SCHIP1: variants seen among roughly 807,000 people sequenced by gnomAD.
The protein encoded by SCHIP1 is schwannomin-interacting protein 1.
In SCHIP1, 8 loss-of-function variants were observed where a neutral mutation model predicts 29.7. The observed-to-expected ratio is 0.27, with a 90% CI of 0.16 to 0.49. The LOEUF is 0.49. SCHIP1 is among the 20% of genes least tolerant of loss of function. The pLI is 0.99. For synonymous variants in SCHIP1, 76 were observed against 94.9 expected (o/e 0.80, Z 1.16); for missense variants, 193 against 294.6 (o/e 0.66, Z 2.52).
At chr3:159,717,686 G>A in the SCHIP1 span, among the ~76,000 whole-genome samples, 7 of 152,158 alleles carry the variant, frequency 4.6e-5, no homozygotes, top group African/African-American at 1.7e-4. Flanking sequence ...ATAGGAAGAA[G>A]TTGAATCCCT....
chr3:159,572,347 C>T, the SCHIP1 span, among the ~76,000 whole-genome samples: 2 of 152,108 alleles, frequency 1.3e-5, no homozygotes, highest in Admixed American at 1.3e-4. Flanking sequence ...TTTCAAAGAA[C>T]ATCTTTATTT....
the SCHIP1 span, among the ~76,000 whole-genome samples, chr3:159,460,148 T>C: frequency 6.6e-6 from 1 of 152,182 alleles, no homozygotes; most frequent in Non-Finnish European, 1.5e-5. Flanking sequence ...CACTATATTA[T>C]CCAAGTGCAG....
At chr3:159,350,822 C>T in the SCHIP1 span, among the ~76,000 whole-genome samples, 1 of 152,048 alleles carries the variant, frequency 6.6e-6, no homozygotes, top group African/African-American at 2.4e-5. Flanking sequence ...CTATTATTAA[C>T]TATAGCCCTC....
At chr3:159,619,814 C>T in the SCHIP1 span, among the ~76,000 whole-genome samples, 1 of 152,128 alleles carries the variant, frequency 6.6e-6, no homozygotes, top group African/African-American at 2.4e-5. Context: ...AATGGCAGTG[C>T]TTCGTGTAAC....
chr3:159,759,968 G>A, the SCHIP1 span, among the ~76,000 whole-genome samples: 1 of 150,296 alleles, frequency 6.7e-6, no homozygotes, highest in Non-Finnish European at 1.5e-5. Context: ...GACCCCTGAG[G>A]AACATGATCT....
the SCHIP1 span, chr3:159,309,206 G>A: frequency 4.7e-5 from 11 of 233,078 alleles, no homozygotes; most frequent in East Asian, 1.1e-3. Flanking sequence ...ATTTAAATGG[G>A]AAAAAATTGT....
the SCHIP1 span, among the ~76,000 whole-genome samples, chr3:159,308,760 C>A: frequency 6.6e-6 from 1 of 152,154 alleles, no homozygotes; most frequent in Non-Finnish European, 1.5e-5. Flanking sequence ...ATGGAATCAA[C>A]CCAGGTATGC....
chr3:159,736,935 C>T, the SCHIP1 span, among the ~76,000 whole-genome samples: 5 of 152,082 alleles, frequency 3.3e-5, no homozygotes, highest in African/African-American at 4.8e-5. Context: ...GGGGTTTCAC[C>T]ATGTTAGCCA....
At chr3:159,499,046 A>C in the SCHIP1 span, among the ~76,000 whole-genome samples, 4 of 152,098 alleles carry the variant, frequency 2.6e-5, no homozygotes, top group Non-Finnish European at 5.9e-5. Flanking sequence ...CTGCTTTTCT[A>C]ACCCAGGCCT....
the SCHIP1 span, among the ~76,000 whole-genome samples, chr3:159,339,776 A>G: frequency 1.3e-5 from 2 of 152,152 alleles, no homozygotes; most frequent in African/African-American, 2.4e-5. Flanking sequence ...CTCTAGAAGT[A>G]ATCTGCCTGA....
chr3:159,569,426 T>A, the SCHIP1 span, among the ~76,000 whole-genome samples: 2 of 152,224 alleles, frequency 1.3e-5, no homozygotes, highest in African/African-American at 4.8e-5. Flanking sequence ...TGTTTGGTTT[T>A]CTGTCCTTGT....
the SCHIP1 span, among the ~76,000 whole-genome samples, chr3:159,437,345 C>T: frequency 3.3e-5 from 5 of 152,132 alleles, no homozygotes; most frequent in Non-Finnish European, 7.4e-5. Context: ...CTGCGATCAT[C>T]CTCTAATAGG....
chr3:159,529,384 T>A, the SCHIP1 span, among the ~76,000 whole-genome samples: 1 of 152,204 alleles, frequency 6.6e-6, no homozygotes, highest in Non-Finnish European at 1.5e-5. Flanking sequence ...AAAAGCCAAG[T>A]TGCAAGTCAG....
chr3:159,566,002 T>C, the SCHIP1 span, among the ~76,000 whole-genome samples: 3 of 152,236 alleles, frequency 2.0e-5, no homozygotes, highest in Admixed American at 6.5e-5. Context: ...GAAGTAATTC[T>C]TATTTATGAA....
chr3:159,274,939 C>T, the SCHIP1 span: 2 of 975,518 alleles, frequency 2.1e-6, no homozygotes, highest in African/African-American at 3.5e-5. Flanking sequence ...TCAGCTTGAC[C>T]TCCAATTCAA....
At chr3:159,584,713 A>G in the SCHIP1 span, among the ~76,000 whole-genome samples, 3 of 152,140 alleles carry the variant, frequency 2.0e-5, no homozygotes, top group African/African-American at 7.2e-5. Flanking sequence ...TCACCTGGGA[A>G]TTTGTTAGAA....
At chr3:159,530,925 T>G in the SCHIP1 span, among the ~76,000 whole-genome samples, 1 of 152,172 alleles carries the variant, frequency 6.6e-6, no homozygotes, top group African/African-American at 2.4e-5. Context: ...CAGTGATGAT[T>G]TTTAATGTGA....
chr3:159,571,940 G>A, the SCHIP1 span, among the ~76,000 whole-genome samples: 4 of 152,236 alleles, frequency 2.6e-5, no homozygotes, highest in Admixed American at 1.3e-4. Flanking sequence ...TTCTCTGATG[G>A]TAGTTTGTAT....
the SCHIP1 span, chr3:159,273,343 G>C: frequency 1.0e-6 from 1 of 987,706 alleles, no homozygotes; most frequent in Non-Finnish European, 1.2e-6. Flanking sequence ...CTGTTTACAT[G>C]GTGTGTGCAG....
Sources: gnomAD v4.1 joint callset for allele counts (sites outside exome capture counted in the v4.1 genomes callset) on GRCh38, gnomAD v4.1.1 for gene constraint, MANE v1.5 for transcripts, NCBI Gene and HGNC (gene_info 2026-07-23, HGNC 2026-07-21) for gene names.